Variants in CA10 observed in about 807,000 individuals in gnomAD.
CA10 encodes the protein carbonic anhydrase-related protein 10.
In CA10, 14 loss-of-function variants were observed where a neutral mutation model predicts 44.2. The ratio of observed to expected loss-of-function variants is 0.32; its 90% CI spans 0.21 to 0.50. The LOEUF (loss-of-function observed/expected upper bound fraction) is 0.50, where lower values mean the gene tolerates loss of function less well. CA10 is among the 20% of genes least tolerant of loss of function. The pLI, the probability that CA10 is intolerant of heterozygous loss-of-function variation, is 0.99. For synonymous variants in CA10, 159 were observed against 141.6 expected, an observed-to-expected ratio of 1.12 and a Z score of -0.87; for missense variants, 350 against 409.7, an observed-to-expected ratio of 0.85 and a Z score of 1.26.
In CA10 at chr17:51,873,543, C is replaced by T. The variant is rs143058121; in HGVS notation, c.279+57447G>A. Among the ~76,000 whole-genome samples the T allele has an allele frequency of 5.0e-3, 756 of 152,320 alleles. 1 individual carries two copies. Among genetic ancestry groups the T allele is most frequent in the African/African-American group, 0.017 (709 of 41,560 alleles). Reference sequence around the variant, plus strand: ...AGCAAATTAGGTTCCACCAATACAACGTACTTGTTTGAAATGTAGATGCAA... The same window carrying T: ...AGCAAATTAGGTTCCACCAATACAATGTACTTGTTTGAAATGTAGATGCAA... On this transcript the variant is annotated intron_variant, in intron 3 of 8. Coordinates refer to ENST00000451037, the MANE Select transcript of CA10 (RefSeq NM_020178.5).
intron 2 of CA10, among the ~76,000 whole-genome samples, chr17:52,058,205 T>C (rs185680351): frequency 6.6e-6 from 1 of 152,246 alleles, no homozygotes; most frequent in African/African-American, 2.4e-5. Context: ...CTCAGAAGGA[T>C]CAGGAACTCA....
chr17:52,028,009 G>A (rs1320084610), intron 2 of CA10, among the ~76,000 whole-genome samples: 3 of 152,146 alleles, frequency 2.0e-5, no homozygotes, highest in African/African-American at 4.8e-5. Context: ...CCATCTTGCT[G>A]ACCATCACTT....
rs34631877 is a variant in CA10, at chr17:51,868,057, AACACACACAC to A, written c.279+62923_279+62932del. ...CACAGAGTTCAAATAAAGCAGGTGT[AACACACACAC>A]ACACACACACACACACACACACACA... On this transcript the variant is annotated intron_variant, in intron 3 of 8. Coordinates refer to ENST00000451037, the MANE Select transcript of CA10 (RefSeq NM_020178.5). Among the ~76,000 whole-genome samples, 90 of 144,932 alleles carry A rather than the reference AACACACACAC, an allele frequency of 6.2e-4. 1 individual carries two copies. The highest frequency in any genetic ancestry group is 1.1e-3 in the South Asian group (5 of 4,372).
At chr17:51,641,442 C>T (rs895094711) in intron 6 of CA10, among the ~76,000 whole-genome samples, 4 of 152,096 alleles carry the variant, frequency 2.6e-5, no homozygotes, top group South Asian at 4.1e-4. Context: ...CCAAATTTAT[C>T]TTAGGTAGGT....
intron 3 of CA10, among the ~76,000 whole-genome samples, chr17:51,822,044 A>G (rs939976566): frequency 6.6e-6 from 1 of 152,058 alleles, no homozygotes; most frequent in Admixed American, 6.6e-5. Context: ...TTTGACACCA[A>G]TCCTGGCCTA....
At chr17:51,973,280 G>A (rs1397220980) in intron 2 of CA10, among the ~76,000 whole-genome samples, 1 of 152,200 alleles carries the variant, frequency 6.6e-6, no homozygotes, top group East Asian at 1.9e-4. Context: ...CTTGACATAT[G>A]GAGTGGAGCC....
At chr17:51,834,146 C>A (rs572863091) in intron 3 of CA10, among the ~76,000 whole-genome samples, 2 of 152,182 alleles carry the variant, frequency 1.3e-5, no homozygotes, top group Non-Finnish European at 2.9e-5. Flanking sequence ...CCTTGATGAA[C>A]TTGACTATAG....
chr17:51,868,427 C>T (rs1979648086), intron 3 of CA10, among the ~76,000 whole-genome samples: 1 of 152,198 alleles, frequency 6.6e-6, no homozygotes, highest in Non-Finnish European at 1.5e-5. Context: ...TCCTGCCTCA[C>T]CCAGTATAAG....
At chr17:51,788,918 A>G (rs1906400043) in intron 3 of CA10, among the ~76,000 whole-genome samples, 1 of 152,236 alleles carries the variant, frequency 6.6e-6, no homozygotes, top group Non-Finnish European at 1.5e-5. Flanking sequence ...CTACAGAATA[A>G]CTAAATAAAT....
At chr17:51,906,385 T>C (rs1217642688) in intron 3 of CA10, among the ~76,000 whole-genome samples, 1 of 152,100 alleles carries the variant, frequency 6.6e-6, no homozygotes, top group Non-Finnish European at 1.5e-5. Context: ...GTTCTTCTTT[T>C]GGCTTTTATG....
rs139176776 is a variant in CA10 at position 51,746,279 on chromosome 17, TATCA to T, written c.465+1350_465+1353del. Among the ~76,000 whole-genome samples the T allele has an allele frequency of 5.3e-5, 8 of 152,370 alleles. No individual in the cohort carries two copies. In the East Asian group the frequency reaches 1.5e-3, roughly 29 times the overall value. ...CATTTCCTGCTTTGTCATTGTTGTTTATCAATCATTGAGTACTTTCAGTGTTTTT... is the reference window on the plus strand; with the variant it reads ...CATTTCCTGCTTTGTCATTGTTGTTTATCATTGAGTACTTTCAGTGTTTTT... On this transcript the variant is annotated intron_variant, in intron 4 of 8. Coordinates refer to ENST00000451037, the MANE Select transcript of CA10 (RefSeq NM_020178.5).
intron 6 of CA10, among the ~76,000 whole-genome samples, chr17:51,641,752 G>C (rs1191938498): frequency 6.7e-6 from 1 of 149,410 alleles, no homozygotes; most frequent in Non-Finnish European, 1.5e-5. Context: ...AGGACCACTT[G>C]GGGGAGTCGG....
intron 3 of CA10, among the ~76,000 whole-genome samples, chr17:51,835,184 T>A (rs1174458177): frequency 6.6e-6 from 1 of 152,222 alleles, no homozygotes; most frequent in Non-Finnish European, 1.5e-5. Context: ...AGCCCCCATT[T>A]GCAGGTAGTC....
At chr17:51,847,928 T>C (rs1978569691) in intron 3 of CA10, among the ~76,000 whole-genome samples, 1 of 152,186 alleles carries the variant, frequency 6.6e-6, no homozygotes, top group Admixed American at 6.5e-5. Context: ...CGAGACCTTT[T>C]GGGGACCTTC....
chr17:51,752,185 T>G (rs1904915717), intron 3 of CA10, among the ~76,000 whole-genome samples: 1 of 151,720 alleles, frequency 6.6e-6, no homozygotes, highest in Non-Finnish European at 1.5e-5. Context: ...CACTTTAATT[T>G]AAAAATAAAG....
At chr17:52,156,508 T>C (rs1470951082) in intron 1 of CA10, among the ~76,000 whole-genome samples, 1 of 151,968 alleles carries the variant, frequency 6.6e-6, no homozygotes, top group Non-Finnish European at 1.5e-5. Flanking sequence ...GAGGAGAAAA[T>C]TGGAAGCCAG....
At chr17:51,855,343 T>C (rs1978992543) in intron 3 of CA10, among the ~76,000 whole-genome samples, 1 of 152,148 alleles carries the variant, frequency 6.6e-6, no homozygotes, top group African/African-American at 2.4e-5. Context: ...CCTTTAAAAC[T>C]CACAATAGCA....
At chr17:51,899,554 C>G (rs576168197) in intron 3 of CA10, among the ~76,000 whole-genome samples, 1 of 152,122 alleles carries the variant, frequency 6.6e-6, no homozygotes, top group East Asian at 1.9e-4. Context: ...CTGTAGGTCT[C>G]TATTATGCCC....
At position 51,827,539 on chromosome 17, in the gene CA10, G is replaced by C. The variant is rs182605424; in HGVS notation, c.280-79721C>G. 3.6e-3 allele frequency among the ~76,000 whole-genome samples: 552 copies of C among 152,292 alleles called. 5 individuals are homozygous for C. Among genetic ancestry groups the C allele is most frequent in the Non-Finnish European group, 6.6e-3 (449 of 68,026 alleles). Reference sequence around the variant, plus strand: ...GGAAAGAAAATCTCACAGAACTAGAGCTTTAGGGACATATTTTGGCAAACT... The same window carrying C: ...GGAAAGAAAATCTCACAGAACTAGACCTTTAGGGACATATTTTGGCAAACT... On this transcript the variant is annotated intron_variant, in intron 3 of 8. Coordinates refer to ENST00000451037, the MANE Select transcript of CA10 (RefSeq NM_020178.5).
Sources: allele counts gnomAD v4.1 joint callset (sites outside exome capture counted in the v4.1 genomes callset), GRCh38; gene constraint gnomAD v4.1.1; transcripts MANE v1.5; gene names NCBI Gene and HGNC (gene_info 2026-07-23, HGNC 2026-07-21).